Variants in CTNNA2 observed in about 807,000 individuals in gnomAD.
The protein encoded by CTNNA2 is catenin alpha 2.
Under a neutral mutation model 101.0 loss-of-function variants are expected in CTNNA2, and 42 were observed. The observed-to-expected ratio is 0.42, with a 90% confidence interval of 0.32 to 0.54. CTNNA2 has a LOEUF of 0.54. CTNNA2 is among the 20% of genes least tolerant of loss of function. CTNNA2 has a pLI of 0.14. For synonymous variants in CTNNA2, 450 were observed against 456.4 expected (o/e 0.99, Z 0.18); for missense variants, 871 against 1,223.1 (o/e 0.71, Z 4.29).
intron 3 of CTNNA2, among the ~76,000 whole-genome samples, chr2:79,794,298 G>A (rs751026981): frequency 1.3e-5 from 2 of 152,024 alleles, no homozygotes; most frequent in Non-Finnish European, 2.9e-5. Context: ...AGTAATTGTG[G>A]TTTTTGCCAT....
chr2:80,540,720 A>G (rs1691481744), intron 9 of CTNNA2, among the ~76,000 whole-genome samples: 1 of 151,756 alleles, frequency 6.6e-6, no homozygotes, highest in Non-Finnish European at 1.5e-5. Context: ...TTGGAGATGG[A>G]GTCTCTCTCT....
At chr2:80,474,935 G>A (rs1416051514) in intron 9 of CTNNA2, among the ~76,000 whole-genome samples, 5 of 152,120 alleles carry the variant, frequency 3.3e-5, no homozygotes, top group Non-Finnish European at 7.4e-5. Flanking sequence ...AACCCAAGAT[G>A]ACTTAGCAAA....
intron 3 of CTNNA2, among the ~76,000 whole-genome samples, chr2:79,350,213 T>C (rs548599769): frequency 6.6e-6 from 1 of 152,200 alleles, no homozygotes; most frequent in African/African-American, 2.4e-5. Flanking sequence ...AGGTTTGTGC[T>C]TCTAGGGTCC....
chr2:79,241,699 A>G (rs996925850), intron 2 of CTNNA2, among the ~76,000 whole-genome samples: 1 of 152,206 alleles, frequency 6.6e-6, no homozygotes, highest in Non-Finnish European at 1.5e-5. Context: ...TTGTCTGAAG[A>G]TGGAATATTC....
intron 7 of CTNNA2, among the ~76,000 whole-genome samples, chr2:80,333,615 C>CT (rs985247830): frequency 3.3e-5 from 5 of 151,930 alleles, no homozygotes; most frequent in African/African-American, 9.7e-5. Flanking sequence ...CAGCCACCAC[C>CT]TTTTTTTTCT....
intron 3 of CTNNA2, among the ~76,000 whole-genome samples, chr2:79,836,672 T>C (rs1198139181): frequency 1.3e-5 from 2 of 152,224 alleles, no homozygotes; most frequent in African/African-American, 4.8e-5. Context: ...TGTTCATCTT[T>C]GGTGTGCCTT....
intron 4 of CTNNA2, among the ~76,000 whole-genome samples, chr2:79,462,566 A>G (rs534283903): frequency 5.3e-5 from 8 of 152,322 alleles, no homozygotes; most frequent in African/African-American, 1.9e-4. Context: ...ACGACACAAA[A>G]AAGCAACCTA....
chr2:80,157,230 A>G (rs767374151), intron 7 of CTNNA2, among the ~76,000 whole-genome samples: 5 of 152,146 alleles, frequency 3.3e-5, no homozygotes, highest in Non-Finnish European at 5.9e-5. Context: ...TGCATTTAAT[A>G]AAGACTACAG....
intron 7 of CTNNA2, among the ~76,000 whole-genome samples, chr2:80,369,448 G>A (rs769701085): frequency 6.6e-6 from 1 of 152,094 alleles, no homozygotes; most frequent in Non-Finnish European, 1.5e-5. Context: ...TACATATACA[G>A]ATGCCCACTG....
chr2:80,070,709 C>A (rs895178176), intron 7 of CTNNA2, among the ~76,000 whole-genome samples: 2 of 86,776 alleles, frequency 2.3e-5, no homozygotes, highest in East Asian at 4.6e-4. Flanking sequence ...CAGAGTGAGA[C>A]CCTGTCTCAA....
chr2:79,509,603 C>A (rs990910121), upstream of CTNNA2, among the ~76,000 whole-genome samples: 1 of 152,066 alleles, frequency 6.6e-6, no homozygotes, highest in African/African-American at 2.4e-5. Flanking sequence ...GGGTTAGGAG[C>A]AAGAAAGAGA....
chr2:79,331,268 A>G (rs1166417218), intron 3 of CTNNA2, among the ~76,000 whole-genome samples: 2 of 152,102 alleles, frequency 1.3e-5, no homozygotes, highest in Non-Finnish European at 2.9e-5. Context: ...TGAGAAAACA[A>G]AACCAACATG....
At chr2:79,378,860 A>C (rs1310977855) in intron 4 of CTNNA2, among the ~76,000 whole-genome samples, 1 of 152,068 alleles carries the variant, frequency 6.6e-6, no homozygotes, top group African/African-American at 2.4e-5. Context: ...TCTTGTCTCA[A>C]TCAAAACTCT....
rs554310824 is a variant in CTNNA2, at chr2:80,413,147, A to G, written c.1138-6302A>G. ...CTCACAGAGAAAAAAATCTAAGGGC[A>G]CATATGTTGATCTGGCTGTTGATCT... On this transcript the variant is annotated intron_variant, in intron 8 of 18. Coordinates refer to ENST00000402739, the MANE Select transcript of CTNNA2 (RefSeq NM_001282597.3). Among the ~76,000 whole-genome samples the G allele has an allele frequency of 3.3e-5, 5 of 152,328 alleles. No individual in the cohort carries two copies. In the East Asian group the frequency reaches 9.7e-4, roughly 29 times the overall value.
chr2:79,326,598 T>G (rs1307403260), intron 3 of CTNNA2, among the ~76,000 whole-genome samples: 1 of 152,186 alleles, frequency 6.6e-6, no homozygotes, highest in African/African-American at 2.4e-5. Context: ...GATTTTTAAA[T>G]TGAGGTACAA....
At chr2:79,715,354 C>T (rs563429417) in intron 2 of CTNNA2, among the ~76,000 whole-genome samples, 1 of 152,006 alleles carries the variant, frequency 6.6e-6, no homozygotes, top group Non-Finnish European at 1.5e-5. Context: ...AATTGTTCTG[C>T]CTTTCTTTAT....
chr2:79,936,009 G>A (rs1368543240), intron 7 of CTNNA2, among the ~76,000 whole-genome samples: 1 of 152,164 alleles, frequency 6.6e-6, no homozygotes, highest in African/African-American at 2.4e-5. Context: ...GTTATAGAAT[G>A]GCAATGAAGA....
rs137958103 is a variant in CTNNA2 at position 79,677,135 on chromosome 2, A to G, written c.102+25477A>G. ...GTTTTCAAATAAGTTACAGTTATTCATACTGTCTCTTTTGACAATAAATGA... is the reference window on the plus strand; with the variant it reads ...GTTTTCAAATAAGTTACAGTTATTCGTACTGTCTCTTTTGACAATAAATGA... On this transcript the variant is annotated intron_variant, in intron 2 of 18. Transcript: ENST00000402739. Among the ~76,000 whole-genome samples the G allele has an allele frequency of 1.8e-3, 271 of 152,324 alleles. 2 individuals are homozygous for G. Among genetic ancestry groups the G allele is most frequent in the African/African-American group, 6.1e-3 (252 of 41,590 alleles).
At chr2:79,628,041 A>T (rs1281376881) in intron 1 of CTNNA2, among the ~76,000 whole-genome samples, 1 of 152,160 alleles carries the variant, frequency 6.6e-6, no homozygotes, top group East Asian at 1.9e-4. Context: ...ATTTATTTTA[A>T]AAAGCATGTT....
Sources: gnomAD v4.1 joint callset for allele counts (sites outside exome capture counted in the v4.1 genomes callset) on GRCh38, gnomAD v4.1.1 for gene constraint, MANE v1.5 for transcripts, NCBI Gene and HGNC (gene_info 2026-07-23, HGNC 2026-07-21) for gene names.